Variants in SMYD3 observed in about 807,000 individuals in gnomAD.
SMYD3 encodes histone-lysine N-methyltransferase SMYD3.
In SMYD3, 36 loss-of-function variants were observed where a neutral mutation model predicts 57.7. The observed-to-expected ratio is 0.62, with a 90% CI of 0.48 to 0.82. The LOEUF is 0.82. SMYD3 is among the 40% of genes least tolerant of loss of function. The pLI, the probability that SMYD3 is intolerant of heterozygous loss-of-function variation, is 0.00. For missense variants in SMYD3, 515 were observed against 538.8 expected (o/e 0.96, Z 0.44); for synonymous variants, 211 against 195.0 (o/e 1.08, Z -0.68).
chr1:246,182,959 T>C (rs905419001), intron 5 of SMYD3, among the ~76,000 whole-genome samples: 1 of 152,142 alleles, frequency 6.6e-6, no homozygotes, highest in African/African-American at 2.4e-5. Flanking sequence ...ATACTTAACA[T>C]AGAGAAGACA....
intron 8 of SMYD3, among the ~76,000 whole-genome samples, chr1:245,897,226 A>G (rs971372311): frequency 1.2e-4 from 18 of 152,260 alleles, no homozygotes; most frequent in Non-Finnish European, 1.5e-5. Flanking sequence ...AGCAGAAAGT[A>G]TCCCTAGCAC....
intron 5 of SMYD3, among the ~76,000 whole-genome samples, chr1:246,254,680 T>C (rs2063852000): frequency 6.6e-6 from 1 of 152,206 alleles, no homozygotes; most frequent in Non-Finnish European, 1.5e-5. Flanking sequence ...ATGACACTGG[T>C]AGTTTCATAG....
chr1:246,325,424 G>C (rs2065333539), intron 5 of SMYD3, among the ~76,000 whole-genome samples: 1 of 152,058 alleles, frequency 6.6e-6, no homozygotes, highest in African/African-American at 2.4e-5. Context: ...GCTTTCATCT[G>C]ATTATTAACC....
Position 246,438,805 on chromosome 1 carries a change from T to G in SMYD3, c.164+68249A>C, listed in dbSNP as rs995924438. ...ATCATCCGATCATCAGGCATTACTT[T>G]GATTCTCATACTGTGAGATCTAGTG... On this transcript the variant is annotated intron_variant, in intron 1 of 11. Transcript: ENST00000490107. 6.6e-5 allele frequency among the ~76,000 whole-genome samples: 10 copies of G among 151,308 alleles called. No individual in the cohort carries two copies. The Admixed American group carries it at 6.6e-4, about 10-fold the overall frequency.
At chr1:246,307,923 C>G (rs1310454641) in intron 5 of SMYD3, among the ~76,000 whole-genome samples, 1 of 152,198 alleles carries the variant, frequency 6.6e-6, no homozygotes, top group East Asian at 1.9e-4. Context: ...AATCTCAACT[C>G]CAGGTACCTC....
intron 5 of SMYD3, chr1:246,187,057 A>G: frequency 7.6e-6 from 3 of 396,268 alleles, no homozygotes; most frequent in South Asian, 2.1e-4. Context: ...ATGGAGCTCA[A>G]CTCTGACCCC....
chr1:246,362,809 C>T (rs1416149792), intron 1 of SMYD3, among the ~76,000 whole-genome samples: 171 of 152,350 alleles, frequency 1.1e-3, no homozygotes, highest in Middle Eastern at 3.4e-3. Context: ...TCTCGGCTCG[C>T]TACAACCTCC....
chr1:245,871,964 CA>C (rs1187304125), intron 8 of SMYD3, among the ~76,000 whole-genome samples: 2 of 152,200 alleles, frequency 1.3e-5, no homozygotes, highest in East Asian at 3.9e-4. Context: ...CACATCTCTG[CA>C]CATCCCATTC....
intron 8 of SMYD3, among the ~76,000 whole-genome samples, chr1:245,888,517 A>G (rs910693074): frequency 1.3e-5 from 2 of 152,176 alleles, no homozygotes; most frequent in Admixed American, 6.5e-5. Flanking sequence ...CAGAATTATG[A>G]TACTTGTATT....
intron 5 of SMYD3, chr1:246,322,538 T>A (rs531582599): frequency 6.6e-6 from 1 of 152,320 alleles, no homozygotes; most frequent in African/African-American, 2.4e-5. Context: ...AAATTGGCCT[T>A]TATTTTTTAT....
chr1:246,299,065 T>C (rs190114746), intron 5 of SMYD3, among the ~76,000 whole-genome samples: 15 of 152,212 alleles, frequency 9.9e-5, no homozygotes, highest in Non-Finnish European at 2.1e-4. Context: ...TATATAAAAA[T>C]GTAAAATCTG....
chr1:246,053,437 A>C (rs1200108884), intron 5 of SMYD3, among the ~76,000 whole-genome samples: 1 of 152,210 alleles, frequency 6.6e-6, no homozygotes, highest in Non-Finnish European at 1.5e-5. Context: ...ATTTACTAAA[A>C]AGCTATACTA....
At chr1:246,082,410 C>A (rs951104658) in intron 5 of SMYD3, among the ~76,000 whole-genome samples, 3 of 152,148 alleles carry the variant, frequency 2.0e-5, no homozygotes, top group African/African-American at 7.2e-5. Flanking sequence ...CCCCCTGGAC[C>A]TGTGACTTAT....
intron 5 of SMYD3, among the ~76,000 whole-genome samples, chr1:246,034,034 T>C (rs1055053120): frequency 6.6e-6 from 1 of 152,220 alleles, no homozygotes; most frequent in Admixed American, 6.5e-5. Flanking sequence ...ATTAAATATA[T>C]AGAATTGAGC....
chr1:246,412,011 A>G (rs1572476534), intron 1 of SMYD3, among the ~76,000 whole-genome samples: 1 of 149,774 alleles, frequency 6.7e-6, no homozygotes, highest in South Asian at 2.1e-4. Flanking sequence ...TACAGCAGCC[A>G]CTATCCTGTC....
chr1:246,362,802 C>T (rs1285971699), intron 1 of SMYD3, among the ~76,000 whole-genome samples: 5 of 152,206 alleles, frequency 3.3e-5, no homozygotes, highest in African/African-American at 1.2e-4. Context: ...GGCGTGATCT[C>T]GGCTCGCTAC....
At chr1:246,384,222 T>C (rs1307377560) in intron 1 of SMYD3, among the ~76,000 whole-genome samples, 1 of 152,198 alleles carries the variant, frequency 6.6e-6, no homozygotes, top group Non-Finnish European at 1.5e-5. Context: ...GGCTAAATAA[T>C]GTGTTTCTTC....
intron 5 of SMYD3, among the ~76,000 whole-genome samples, chr1:246,159,529 T>C (rs992424922): frequency 6.6e-6 from 1 of 152,134 alleles, no homozygotes; most frequent in Non-Finnish European, 1.5e-5. Flanking sequence ...GTTTCTTGCT[T>C]TTAACTGGCA....
intron 5 of SMYD3, among the ~76,000 whole-genome samples, chr1:246,291,192 G>A (rs1199417801): frequency 6.6e-6 from 1 of 152,046 alleles, no homozygotes; most frequent in East Asian, 1.9e-4. Context: ...TAACAAATTA[G>A]GGAAACGTTC....
Sources: gnomAD v4.1 joint callset for allele counts (sites outside exome capture counted in the v4.1 genomes callset) on GRCh38, gnomAD v4.1.1 for gene constraint, MANE v1.5 for transcripts, NCBI Gene and HGNC (gene_info 2026-07-23, HGNC 2026-07-21) for gene names.